SLC25A21: variants seen among roughly 807,000 people sequenced by gnomAD.
SLC25A21 encodes the protein mitochondrial 2-oxodicarboxylate carrier.
SLC25A21 carries 47 observed loss-of-function variants against 43.8 expected under a neutral mutation model. That is an observed-to-expected ratio of 1.07 (90% CI 0.85 to 1.37). The LOEUF (loss-of-function observed/expected upper bound fraction) is 1.37. Among genes scored for constraint, SLC25A21 ranks in the 40% most tolerant of loss-of-function variants. The pLI, the probability that SLC25A21 is intolerant of heterozygous loss-of-function variation, is 0.00. For synonymous variants in SLC25A21, 131 were observed against 121.3 expected, an observed-to-expected ratio of 1.08 and a Z score of -0.52; for missense variants, 352 against 350.2, an observed-to-expected ratio of 1.00 and a Z score of -0.04.
intron 6 of SLC25A21, among the ~76,000 whole-genome samples, chr14:36,718,939 T>C (rs935642976): frequency 9.2e-5 from 14 of 152,174 alleles, no homozygotes; most frequent in African/African-American, 3.1e-4. Flanking sequence ...TTTAGGTTCA[T>C]ATTTGGGGTG....
chr14:36,695,715 T>C (rs985448750), intron 7 of SLC25A21, among the ~76,000 whole-genome samples: 5 of 151,934 alleles, frequency 3.3e-5, no homozygotes, highest in African/African-American at 9.7e-5. Context: ...CTCTGTCTGT[T>C]AATGGAGTAT....
intron 3 of SLC25A21, among the ~76,000 whole-genome samples, chr14:36,754,152 G>A (rs1885834017): frequency 6.6e-6 from 1 of 152,136 alleles, no homozygotes; most frequent in Non-Finnish European, 1.5e-5. Context: ...ATGTTTTTGG[G>A]TGAGAGTAAC....
intron 2 of SLC25A21, among the ~76,000 whole-genome samples, chr14:36,869,124 G>A (rs1489957373): frequency 6.6e-6 from 1 of 152,110 alleles, no homozygotes. Context: ...CAGAATTGAG[G>A]CAGGGACACC....
chr14:36,866,683 CT>C (rs573672160), intron 2 of SLC25A21, among the ~76,000 whole-genome samples: 340 of 152,262 alleles, frequency 2.2e-3, no homozygotes, highest in African/African-American at 7.9e-3. Flanking sequence ...AAAGACCTTC[CT>C]TTTCACATTG....
chr14:36,837,731 T>C (rs1471423220), intron 2 of SLC25A21, among the ~76,000 whole-genome samples: 1 of 152,154 alleles, frequency 6.6e-6, no homozygotes, highest in African/African-American at 2.4e-5. Context: ...CTCAACACCA[T>C]ACTACACTCC....
intron 2 of SLC25A21, chr14:36,828,462 C>CA (rs1888915522): frequency 6.6e-6 from 1 of 152,170 alleles, no homozygotes; most frequent in African/African-American, 2.4e-5. Context: ...GACTGTATCA[C>CA]TCACAAGATG....
At chr14:36,882,755 C>T (rs61988051) in intron 1 of SLC25A21, among the ~76,000 whole-genome samples, 8,785 of 151,562 alleles carry the variant, frequency 0.058, 368 homozygotes, top group East Asian at 0.18. Flanking sequence ...ATCTGATTGC[C>T]TGTTTGACAT....
chr14:37,156,182 C>T (rs1397506832), intron 1 of SLC25A21, among the ~76,000 whole-genome samples: 3 of 145,944 alleles, frequency 2.1e-5, no homozygotes, highest in African/African-American at 7.6e-5. Context: ...AAAAAATACA[C>T]GAAAGTATAA....
At chr14:37,058,014 T>C (rs1257677743) in intron 1 of SLC25A21, among the ~76,000 whole-genome samples, 1 of 152,244 alleles carries the variant, frequency 6.6e-6, no homozygotes, top group East Asian at 1.9e-4. Flanking sequence ...ATTTTGAATT[T>C]GGAATATGTT....
chr14:36,718,421 A>C (rs961570237), intron 6 of SLC25A21, among the ~76,000 whole-genome samples: 1 of 152,190 alleles, frequency 6.6e-6, no homozygotes, highest in African/African-American at 2.4e-5. Flanking sequence ...AACCCAATAC[A>C]TCATCATGAA....
chr14:36,971,450 C>T (rs1566781594), intron 1 of SLC25A21, among the ~76,000 whole-genome samples: 1 of 152,090 alleles, frequency 6.6e-6, no homozygotes, highest in East Asian at 1.9e-4. Context: ...AGTAGAAAGC[C>T]CATTTGCATA....
intron 1 of SLC25A21, among the ~76,000 whole-genome samples, chr14:36,921,570 A>G (rs1394756595): frequency 3.9e-5 from 6 of 152,176 alleles, no homozygotes; most frequent in African/African-American, 1.2e-4. Context: ...ATTTAAAATG[A>G]CAGACCGAAA....
intron 1 of SLC25A21, among the ~76,000 whole-genome samples, chr14:36,974,628 A>G (rs181893876): frequency 8.2e-4 from 125 of 152,332 alleles, no homozygotes; most frequent in African/African-American, 2.9e-3. Flanking sequence ...TTCAAAGGAA[A>G]TAGAGATTCT....
intron 5 of SLC25A21, among the ~76,000 whole-genome samples, chr14:36,726,631 T>C (rs1388998729): frequency 6.6e-6 from 1 of 152,230 alleles, no homozygotes; most frequent in African/African-American, 2.4e-5. Flanking sequence ...AATTTTCCTC[T>C]AGGTAGAATG....
In SLC25A21 at chr14:37,146,288, T is replaced by TGA. The variant is rs1963663276; in HGVS notation, c.70+25991_70+25992dup. Among the ~76,000 whole-genome samples the TGA allele has an allele frequency of 2.0e-5, 3 of 152,284 alleles. No homozygotes were observed. The South Asian group carries it at 6.2e-4, about 32-fold the overall frequency. On this transcript the variant is annotated intron_variant, in intron 1 of 9. Coordinates refer to ENST00000331299, the MANE Select transcript of SLC25A21 (RefSeq NM_030631.4). ...ACCAAGAGTTTCTTTTGTGTGTGTG[T>TGA]GACAGTATATACAGTGGTACAAACA...
chr14:36,686,272 C>G (rs1382697267), intron 7 of SLC25A21, among the ~76,000 whole-genome samples: 4 of 152,142 alleles, frequency 2.6e-5, no homozygotes, highest in Non-Finnish European at 5.9e-5. Flanking sequence ...GATTTGAAAA[C>G]CAACAGGGTG....
chr14:36,795,262 T>C lies in SLC25A21; in HGVS notation c.203+18656A>G, dbSNP rs115287407. Among the ~76,000 whole-genome samples, 735 of 152,318 alleles carry C rather than the reference T, an allele frequency of 4.8e-3. 10 individuals carry two copies. The highest frequency in any genetic ancestry group is 0.017 in the African/African-American group (715 of 41,582). On this transcript the variant is annotated intron_variant, in intron 3 of 9. Coordinates refer to ENST00000331299, the MANE Select transcript of SLC25A21 (RefSeq NM_030631.4). ...GATTTTAACTTCGTTATTAAGGTCTTAGGGATCATAAGTAAAGTAGCTCCT... is the reference window on the plus strand; with the variant it reads ...GATTTTAACTTCGTTATTAAGGTCTCAGGGATCATAAGTAAAGTAGCTCCT...
intron 1 of SLC25A21, among the ~76,000 whole-genome samples, chr14:37,103,026 GT>G (rs1236245523): frequency 6.6e-6 from 1 of 151,898 alleles, no homozygotes; most frequent in African/African-American, 2.4e-5. Flanking sequence ...AAACCATACT[GT>G]TTAATAATAA....
chr14:36,869,923 T>C (rs1441901496), intron 2 of SLC25A21, among the ~76,000 whole-genome samples: 1 of 152,128 alleles, frequency 6.6e-6, no homozygotes, highest in Non-Finnish European at 1.5e-5. Context: ...CACCACATTA[T>C]CTGCTAAGAG....
Sources: allele counts gnomAD v4.1 joint callset (sites outside exome capture counted in the v4.1 genomes callset), GRCh38; gene constraint gnomAD v4.1.1; transcripts MANE v1.5; gene names NCBI Gene and HGNC (gene_info 2026-07-23, HGNC 2026-07-21).